Variants in PHYHIPL observed in about 807,000 individuals in gnomAD.
PHYHIPL encodes the protein phytanoyl-CoA hydroxylase-interacting protein-like.
A neutral mutation model predicts 33.4 loss-of-function variants in PHYHIPL; 9 were observed. The observed-to-expected ratio is 0.27, with a 90% confidence interval of 0.16 to 0.47. PHYHIPL has a LOEUF of 0.47. Ranked by LOEUF, PHYHIPL falls within the 20% of genes least tolerant of loss-of-function variation. The probability of loss-of-function intolerance (pLI) is 0.99; values close to 1 mark genes in which losing one functional copy is unlikely to be tolerated. For missense variants in PHYHIPL, 365 were observed against 460.7 expected (o/e 0.79, Z 1.90); for synonymous variants, 153 against 154.1 (o/e 0.99, Z 0.05).
chr10:59,177,397 A>G (rs1307284258), intron 1 of PHYHIPL: 2 of 1,367,310 alleles, frequency 1.5e-6, no homozygotes, highest in South Asian at 1.5e-5. Context: ...CCAGAAACTT[A>G]TCATTTTCTT....
intron 1 of PHYHIPL, among the ~76,000 whole-genome samples, chr10:59,185,341 C>T (rs1243509322): frequency 6.6e-6 from 1 of 152,188 alleles, no homozygotes; most frequent in Non-Finnish European, 1.5e-5. Flanking sequence ...ATATGTGCCA[C>T]ATTTTCTTAA....
At chr10:59,196,151 C>A (rs758345375) in intron 1 of PHYHIPL, among the ~76,000 whole-genome samples, 1 of 151,914 alleles carries the variant, frequency 6.6e-6, no homozygotes, top group Non-Finnish European at 1.5e-5. Context: ...AACAAAGTAT[C>A]TAAATAAACT....
intron 2 of PHYHIPL, among the ~76,000 whole-genome samples, chr10:59,235,906 A>G (rs1196869573): frequency 6.6e-6 from 1 of 151,912 alleles, no homozygotes; most frequent in African/African-American, 2.4e-5. Context: ...TTCTCCTTTA[A>G]CCTGTAAAAT....
chr10:59,216,081 A>G (rs946876467), intron 1 of PHYHIPL, among the ~76,000 whole-genome samples: 1 of 152,140 alleles, frequency 6.6e-6, no homozygotes, highest in Admixed American at 6.6e-5. Flanking sequence ...AAATTATGAA[A>G]TATAAAATTG....
Position 59,247,430 on chromosome 10 carries a change from TC to T in PHYHIPL, c.*1845del. 3 of 660,856 alleles carry T rather than the reference TC, an allele frequency of 4.5e-6. No homozygotes were observed. Among genetic ancestry groups the T allele is most frequent in the Non-Finnish European group, 7.5e-6 (3 of 398,706 alleles). 40.9% of individuals were successfully genotyped at this position (660,856 alleles called of 1,614,324 possible). A position where few individuals can be genotyped will look rare whatever the true frequency, so the allele number is the denominator to read the frequency against. Reference sequence around the variant, plus strand: ...ATTATATGGCTACCTGTTGTATTCTTCCCCCCGTTTAAATCCCTTCTCCTTG... The same window carrying T: ...ATTATATGGCTACCTGTTGTATTCTTCCCCCGTTTAAATCCCTTCTCCTTG... On this transcript the variant is annotated 3_prime_UTR_variant, in exon 5 of 5. Transcript: ENST00000373880.
chr10:59,202,766 A>C (rs1270904837), intron 1 of PHYHIPL, among the ~76,000 whole-genome samples: 1 of 152,220 alleles, frequency 6.6e-6, no homozygotes, highest in Non-Finnish European at 1.5e-5. Context: ...ATAGCTATTA[A>C]ACAGCAGAGT....
At chr10:59,188,455 G>A (rs1838682278) in intron 1 of PHYHIPL, among the ~76,000 whole-genome samples, 1 of 152,284 alleles carries the variant, frequency 6.6e-6, no homozygotes, top group Non-Finnish European at 1.5e-5. Context: ...GATTTGGGGT[G>A]GAGAGTTCTG....
chr10:59,183,022 T>C (rs1486255988), intron 1 of PHYHIPL, among the ~76,000 whole-genome samples: 1 of 152,218 alleles, frequency 6.6e-6, no homozygotes, highest in African/African-American at 2.4e-5. Flanking sequence ...AGCACTTTTC[T>C]AGAGGCATAT....
At chr10:59,183,347 T>C (rs984607943) in intron 1 of PHYHIPL, among the ~76,000 whole-genome samples, 16 of 152,188 alleles carry the variant, frequency 1.1e-4, no homozygotes, top group African/African-American at 3.9e-4. Context: ...TTTTGAGTTA[T>C]ATGAAGATGT....
intron 1 of PHYHIPL, among the ~76,000 whole-genome samples, chr10:59,191,349 C>T (rs1838779463): frequency 6.6e-6 from 1 of 151,910 alleles, no homozygotes; most frequent in South Asian, 2.1e-4. Flanking sequence ...CAGCAGCTCA[C>T]TCATTTAACA....
chr10:59,224,203 A>G (rs555632324), intron 1 of PHYHIPL, among the ~76,000 whole-genome samples: 1 of 152,174 alleles, frequency 6.6e-6, no homozygotes, highest in Non-Finnish European at 1.5e-5. Context: ...ATAATTTCAC[A>G]TGGTACTGGG....
In PHYHIPL at chr10:59,234,377, T is replaced by C. The variant is rs770211354; in HGVS notation, c.180T>C (p.Asn60=). ...TACCACATAACATCAAAATAAGCAA[T>C]ATAACGTGTGACTCATTCAAGATTT... The part of the protein sequence containing the change: ...LPVPHNIKIS[N]ITCDSFKISW... The change falls in exon 2 of 5, where the codon AAT becomes AAC. Residue 60 remains asparagine, a synonymous_variant. Coordinates refer to ENST00000373880, the MANE Select transcript of PHYHIPL (RefSeq NM_032439.4). 1.3e-5 allele frequency: 21 copies of C among 1,603,010 alleles called. No homozygotes were observed. The highest frequency in any genetic ancestry group is 1.7e-5 in the Non-Finnish European group (20 of 1,176,082).
At chr10:59,224,491 A>AAAACAAAAC (rs1564454984) in intron 1 of PHYHIPL, among the ~76,000 whole-genome samples, 1 of 146,502 alleles carries the variant, frequency 6.8e-6, no homozygotes, top group East Asian at 2.0e-4. Flanking sequence ...AAAACAAAAC[A>AAAACAAAAC]AAACAAAAAA....
intron 1 of PHYHIPL, among the ~76,000 whole-genome samples, chr10:59,213,886 GACTAGTT>G (rs1209935872): frequency 2.6e-5 from 4 of 152,146 alleles, no homozygotes; most frequent in African/African-American, 7.2e-5. Flanking sequence ...TTCTGCACAG[GACTAGTT>G]ACTATGGGTA....
At chr10:59,177,949 A>G (rs1464619562) in intron 1 of PHYHIPL, among the ~76,000 whole-genome samples, 7 of 152,240 alleles carry the variant, frequency 4.6e-5, no homozygotes. Context: ...AATGAAATTA[A>G]TGTTTAACTG....
chr10:59,194,986 G>A (rs1269581588), intron 1 of PHYHIPL, among the ~76,000 whole-genome samples: 1 of 152,034 alleles, frequency 6.6e-6, no homozygotes, highest in Admixed American at 6.5e-5. Flanking sequence ...GAATTCTTGT[G>A]AAATGTCAAA....
At chr10:59,220,916 T>TA (rs1839753185) in intron 1 of PHYHIPL, among the ~76,000 whole-genome samples, 1 of 152,100 alleles carries the variant, frequency 6.6e-6, no homozygotes, top group Non-Finnish European at 1.5e-5. Flanking sequence ...AATTAAAAAT[T>TA]ATTGTAAAAC....
chr10:59,233,840 A>G (rs1409169007), intron 1 of PHYHIPL, among the ~76,000 whole-genome samples: 1 of 151,814 alleles, frequency 6.6e-6, no homozygotes. Context: ...TTATTTGTAT[A>G]TGTAGTAAAA....
intron 1 of PHYHIPL, among the ~76,000 whole-genome samples, chr10:59,217,565 TATTC>T (rs1458946283): frequency 6.6e-6 from 1 of 151,956 alleles, no homozygotes; most frequent in East Asian, 1.9e-4. Flanking sequence ...ATATCTCTAA[TATTC>T]ATATATTACC....
Sources: allele counts gnomAD v4.1 joint callset (sites outside exome capture counted in the v4.1 genomes callset), GRCh38; gene constraint gnomAD v4.1.1; transcripts MANE v1.5; gene names NCBI Gene and HGNC (gene_info 2026-07-23, HGNC 2026-07-21).